Variants in EVL observed in about 807,000 individuals in gnomAD.
EVL encodes ena/VASP-like protein.
EVL carries 21 observed loss-of-function variants against 59.6 expected under a neutral mutation model. The ratio of observed to expected loss-of-function variants is 0.35; its 90% CI spans 0.25 to 0.51. The LOEUF (loss-of-function observed/expected upper bound fraction) is 0.51. Among genes scored for constraint, EVL ranks in the 20% least tolerant of loss-of-function variants. The pLI is 0.97. For missense variants in EVL, 462 were observed against 546.6 expected (o/e 0.85, Z 1.54); for synonymous variants, 198 against 203.5 (o/e 0.97, Z 0.23).
At chr14:100,015,324 A>G (rs1163480700) in intron 1 of EVL, among the ~76,000 whole-genome samples, 1 of 152,218 alleles carries the variant, frequency 6.6e-6, no homozygotes, top group African/African-American at 2.4e-5. Flanking sequence ...ACACTTGTTT[A>G]AAATATTCTC....
At position 100,041,771 on chromosome 14, in the gene EVL, T is replaced by C. The variant is rs535237360; in HGVS notation, c.6-42916T>C. ...CCATAAATGAATGTGTCAGTTTTAG[T>C]ATATTTTTCCAGGTATTTTTTGGTG... On this transcript the variant is annotated intron_variant, in intron 1 of 13. Coordinates refer to the EVL transcript ENST00000402714. 2.6e-5 allele frequency among the ~76,000 whole-genome samples: 4 copies of C among 152,362 alleles called. No individual in the cohort carries two copies. The East Asian group carries it at 5.8e-4, about 22-fold the overall frequency.
chr14:100,105,890 C>T (rs1003222147), intron 3 of EVL: 2 of 152,260 alleles, frequency 1.3e-5, no homozygotes, highest in Non-Finnish European at 2.9e-5. Flanking sequence ...GTCTGAAACT[C>T]TGCAGAAAGT....
At chr14:100,052,008 C>T (rs764722970) in intron 1 of EVL, among the ~76,000 whole-genome samples, 16 of 152,162 alleles carry the variant, frequency 1.1e-4, no homozygotes, top group Non-Finnish European at 2.2e-4. Flanking sequence ...AACTCGTTGG[C>T]CCTAAAGGAG....
At chr14:100,011,192 T>C (rs1162615655) in intron 1 of EVL, among the ~76,000 whole-genome samples, 3 of 152,236 alleles carry the variant, frequency 2.0e-5, no homozygotes, top group Admixed American at 1.3e-4. Context: ...TATCTAAAAC[T>C]TGGAGAAAAG....
chr14:100,083,374 CT>C (rs1222085023), intron 1 of EVL, among the ~76,000 whole-genome samples: 4 of 151,630 alleles, frequency 2.6e-5, no homozygotes, highest in Non-Finnish European at 5.9e-5. Context: ...TTTACTCTAT[CT>C]TTTTTTTCTG....
chr14:100,022,460 A>G (rs2061142756), intron 1 of EVL, among the ~76,000 whole-genome samples: 1 of 151,914 alleles, frequency 6.6e-6, no homozygotes, highest in Non-Finnish European at 1.5e-5. Context: ...TTGTATTTTT[A>G]GTAGAGACAG....
At chr14:100,044,594 C>T (rs932873248) in intron 1 of EVL, among the ~76,000 whole-genome samples, 1 of 152,120 alleles carries the variant, frequency 6.6e-6, no homozygotes, top group African/African-American at 2.4e-5. Flanking sequence ...TGGAAATAGA[C>T]CATTGTAATT....
intron 1 of EVL, among the ~76,000 whole-genome samples, chr14:100,071,979 A>G (rs996576624): frequency 6.6e-6 from 1 of 152,210 alleles, no homozygotes; most frequent in Non-Finnish European, 1.5e-5. Context: ...AAATGATTTA[A>G]TAATTACTAA....
chr14:99,971,559 G>A (rs998503877), exon 1 of EVL: 6 of 151,764 alleles, frequency 4.0e-5, no homozygotes, highest in African/African-American at 1.2e-4. Flanking sequence ...GGAGGGCGGT[G>A]GGGCGAACAG....
At chr14:100,092,015 G>T (rs1207555601) in intron 2 of EVL, among the ~76,000 whole-genome samples, 1 of 152,150 alleles carries the variant, frequency 6.6e-6, no homozygotes, top group African/African-American at 2.4e-5. Flanking sequence ...GAGGCAGGAG[G>T]ATCACTTGAG....
At chr14:99,978,295 C>T (rs1191023) in intron 1 of EVL, among the ~76,000 whole-genome samples, 1 of 149,386 alleles carries the variant, frequency 6.7e-6, no homozygotes. Flanking sequence ...CCAGCTACTC[C>T]GGAGGCTGAG....
At chr14:100,049,648 A>G (rs560111637) in intron 1 of EVL, among the ~76,000 whole-genome samples, 28 of 152,338 alleles carry the variant, frequency 1.8e-4, no homozygotes, top group Non-Finnish European at 3.7e-4. Flanking sequence ...TTGAGATATA[A>G]TATACATACC....
intron 1 of EVL, among the ~76,000 whole-genome samples, chr14:100,053,941 C>G (rs2061686057): frequency 6.6e-6 from 1 of 152,092 alleles, no homozygotes; most frequent in Non-Finnish European, 1.5e-5. Context: ...GCCACTGTGC[C>G]CAGCCCCTCT....
At chr14:100,031,793 A>G (rs2061318844) in intron 1 of EVL, among the ~76,000 whole-genome samples, 1 of 152,230 alleles carries the variant, frequency 6.6e-6, no homozygotes, top group South Asian at 2.1e-4. Flanking sequence ...CACGAGTGCT[A>G]GAAGAGAGAA....
chr14:100,015,109 A>C (rs1167990880), intron 1 of EVL, among the ~76,000 whole-genome samples: 1 of 152,340 alleles, frequency 6.6e-6, no homozygotes, highest in East Asian at 1.9e-4. Flanking sequence ...TGTGCCCCAC[A>C]GCCTAAAAAA....
intron 2 of EVL, among the ~76,000 whole-genome samples, chr14:100,088,351 C>T (rs559704451): frequency 6.6e-6 from 1 of 152,200 alleles, no homozygotes; most frequent in African/African-American, 2.4e-5. Flanking sequence ...CCCAGAGGCC[C>T]CCAAAACATG....
chr14:100,050,697 T>G (rs754276089), intron 1 of EVL, among the ~76,000 whole-genome samples: 6 of 151,660 alleles, frequency 4.0e-5, no homozygotes, highest in Middle Eastern at 3.4e-3. Context: ...TTTGCCACAA[T>G]TGTTTATTTC....
intron 1 of EVL, among the ~76,000 whole-genome samples, chr14:99,993,040 G>A (rs541717468): frequency 1.3e-5 from 2 of 151,166 alleles, no homozygotes; most frequent in Non-Finnish European, 2.9e-5. Context: ...TCCAGGCATT[G>A]GTGGTGGCGT....
At chr14:100,035,863 C>G (rs1369093703) in intron 1 of EVL, among the ~76,000 whole-genome samples, 1 of 152,018 alleles carries the variant, frequency 6.6e-6, no homozygotes, top group African/African-American at 2.4e-5. Context: ...GGGTCTAATC[C>G]CCCACCTCAC....
Sources: gnomAD v4.1 joint callset for allele counts (sites outside exome capture counted in the v4.1 genomes callset) on GRCh38, gnomAD v4.1.1 for gene constraint, MANE v1.5 for transcripts, NCBI Gene and HGNC (gene_info 2026-07-23, HGNC 2026-07-21) for gene names.